Variants in ITGA4 observed in about 807,000 individuals in gnomAD.
ITGA4 encodes the protein integrin alpha-4.
Under a neutral mutation model 133.6 loss-of-function variants are expected in ITGA4, and 63 were observed. The ratio of observed to expected loss-of-function variants is 0.47; its 90% confidence interval spans 0.38 to 0.58. ITGA4 has a LOEUF of 0.58. Among genes scored for constraint, ITGA4 ranks in the 20% least tolerant of loss-of-function variants. The pLI, the probability that ITGA4 is intolerant of heterozygous loss-of-function variation, is 0.00. For missense variants in ITGA4, 1,076 were observed against 1,252.7 expected (o/e 0.86, Z 2.13); for synonymous variants, 483 against 438.0 (o/e 1.10, Z -1.28).
At chr2:181,458,620 G>C (rs1685192411) in intron 2 of ITGA4, 1 of 360,832 alleles carries the variant, frequency 2.8e-6, no homozygotes. Flanking sequence ...GCACATTTTA[G>C]ACTCTCTCAG....
chr2:181,538,178 T>G lies in ITGA4; in HGVS notation c.*2651T>G. 6.5e-7 allele frequency: 1 copy of G among 1,544,178 alleles called. No homozygotes were observed. The highest frequency in any genetic ancestry group is 8.9e-7 in the Non-Finnish European group (1 of 1,118,020). On this transcript the variant is annotated 3_prime_UTR_variant, in exon 28 of 28. Transcript: ENST00000397033. ...TTTGTACATTTCTTTTAGAAACAAT[T>G]ACATGTTACTTTGGAATCATTTCTT...
chr2:181,526,493 G>C lies in ITGA4; in HGVS notation c.2340-804G>C, dbSNP rs150508780. Among the ~76,000 whole-genome samples, 160 of 152,282 alleles carry C rather than the reference G, an allele frequency of 1.1e-3. 2 individuals are homozygous for C. The highest frequency in any genetic ancestry group is 3.7e-3 in the African/African-American group (154 of 41,554). On this transcript the variant is annotated intron_variant, in intron 21 of 27. Transcript: ENST00000397033. ...TGTCAAATCACAGGCCTTTAAAAGA[G>C]AGTGACAGCCTTGTATTGTAACAAA...
chr2:181,463,642 A>G (rs915354587), intron 2 of ITGA4, among the ~76,000 whole-genome samples: 1 of 151,806 alleles, frequency 6.6e-6, no homozygotes, highest in Non-Finnish European at 1.5e-5. Flanking sequence ...AGGGAAGAGC[A>G]GCAGGTTTTC....
chr2:181,482,960 G>T (rs1685839485), intron 9 of ITGA4, among the ~76,000 whole-genome samples: 2 of 152,038 alleles, frequency 1.3e-5, no homozygotes, highest in African/African-American at 2.4e-5. Context: ...TAATTTGAAA[G>T]AATAATTTTC....
chr2:181,498,843 T>G (rs1435302672), intron 15 of ITGA4, 66 bp downstream of exon 15: 1 of 1,493,862 alleles, frequency 6.7e-7, no homozygotes. Context: ...GAGCAACTTA[T>G]TGTATTGGTA....
chr2:181,474,098 G>C (rs947546116), intron 2 of ITGA4, among the ~76,000 whole-genome samples: 7 of 152,110 alleles, frequency 4.6e-5, no homozygotes, highest in African/African-American at 1.7e-4. Flanking sequence ...ACAGCAAAAA[G>C]AATATTAGGA....
rs1374274767 is a variant in ITGA4, at chr2:181,537,290, A to G, written c.*1763A>G. 2.2e-6 allele frequency: 1 copy of G among 453,716 alleles called. No individual in the cohort carries two copies. The highest frequency in any genetic ancestry group is 4.4e-6 in the Non-Finnish European group (1 of 226,536). The allele number at this position is 453,716 out of a possible 1,614,324, so 28.1% of individuals were successfully genotyped here. ...CTCAGAACTACTCAGAAACAACTAT[A>G]TATTTCAGGTTATCTGAGCACAGTG... On this transcript the variant is annotated 3_prime_UTR_variant, in exon 28 of 28. Coordinates refer to ENST00000397033, the MANE Select transcript of ITGA4 (RefSeq NM_000885.6).
At chr2:181,478,692 GAAAC>G (rs770073748) in intron 4 of ITGA4, 61 bp from the exon 5 acceptor site, 23 of 711,724 alleles carry the variant, frequency 3.2e-5, no homozygotes, top group African/African-American at 1.3e-4. Context: ...AAGGATTTAA[GAAAC>G]AAATTATGGA....
chr2:181,496,173 A>G (rs1686153901), intron 14 of ITGA4, among the ~76,000 whole-genome samples: 1 of 152,216 alleles, frequency 6.6e-6, no homozygotes, highest in Admixed American at 6.5e-5. Context: ...AGCAAAGGAC[A>G]TAGTATCACT....
At chr2:181,534,192 T>TA in intron 25 of ITGA4, 80 bp from the exon 26 acceptor site, 1 of 848,836 alleles carries the variant, frequency 1.2e-6, no homozygotes, top group South Asian at 1.6e-5. Context: ...TGAAAACCTC[T>TA]AGCTAGAAGG....
At position 181,457,419 on chromosome 2, in the gene ITGA4, C is replaced by A. The variant is rs201523356; in HGVS notation, c.-236C>A. 2.8e-4 allele frequency: 134 copies of A among 478,198 alleles called. 2 individuals are homozygous for A. In the South Asian group the frequency reaches 3.3e-3, roughly 12 times the overall value. 29.6% of individuals were successfully genotyped at this position (478,198 alleles called of 1,614,324 possible). On this transcript the variant is annotated 5_prime_UTR_variant, in exon 1 of 28. Coordinates refer to ENST00000397033, the MANE Select transcript of ITGA4 (RefSeq NM_000885.6). The stretch of plus-strand genomic sequence containing the variant: ...GCGAGCACCCGAAGCTCCCGGCTGG[C>A]GGCAGAAACCGGGAGTGGGGCCGGG...
rs199929278 is a variant in ITGA4 at position 181,537,168 on chromosome 2, G to A, written c.*1641G>A. The stretch of plus-strand genomic sequence containing the variant: ...ATAAAAAGGCTAGTCATTCTTTCAG[G>A]AGAACATCTAGGATCATAGATGAAA... On this transcript the variant is annotated 3_prime_UTR_variant, in exon 28 of 28. Transcript: ENST00000397033. The A allele has an allele frequency of 4.4e-5, 20 of 453,896 alleles. 1 individual carries two copies. Among genetic ancestry groups the A allele is most frequent in the South Asian group, 2.9e-4 (19 of 64,454 alleles). 28.1% of individuals were successfully genotyped at this position (453,896 alleles called of 1,614,324 possible).
rs1686612397 is a variant in ITGA4 at position 181,516,617 on chromosome 2, G to C, written c.1922+4842G>C. Among the ~76,000 whole-genome samples the C allele has an allele frequency of 6.6e-6, 1 of 152,072 alleles. No homozygotes were observed. Among genetic ancestry groups the C allele is most frequent in the African/African-American group, 2.4e-5 (1 of 41,436 alleles). ...GTTTATCCCTGATTCTGTTATGGTT[G>C]AAGGAGAATGGAGTCGTCATGATCA... is the stretch of plus-strand genomic sequence containing the variant. On this transcript the variant is annotated intron_variant, in intron 17 of 27. Coordinates refer to ENST00000397033, the MANE Select transcript of ITGA4 (RefSeq NM_000885.6). This position sits in a 1 kb window ranked among gnomAD's most constrained non-coding sequence, Gnocchi z 4.0.
chr2:181,459,400 TA>T (rs1685212033), intron 2 of ITGA4: 2 of 152,264 alleles, frequency 1.3e-5, no homozygotes, highest in South Asian at 4.1e-4. Context: ...TTCTTTGCTA[TA>T]AATGGACTTT....
At chr2:181,496,682 A>G (rs1369511029) in intron 14 of ITGA4, among the ~76,000 whole-genome samples, 1 of 152,188 alleles carries the variant, frequency 6.6e-6, no homozygotes, top group Non-Finnish European at 1.5e-5. Flanking sequence ...TTGCTAGCAG[A>G]TTAATGTTCC....
chr2:181,525,875 T>C (rs901392180), intron 21 of ITGA4, among the ~76,000 whole-genome samples: 1 of 152,188 alleles, frequency 6.6e-6, no homozygotes, highest in African/African-American at 2.4e-5. Flanking sequence ...AGGAGATGTG[T>C]GGAGAAAGAA....
chr2:181,488,707 C>T (rs188939575), intron 10 of ITGA4, among the ~76,000 whole-genome samples: 215 of 151,924 alleles, frequency 1.4e-3, no homozygotes, highest in African/African-American at 4.6e-3. Flanking sequence ...TACAGGCACC[C>T]GCCACCACCC....
At chr2:181,467,336 C>A (rs1685443599) in intron 2 of ITGA4, among the ~76,000 whole-genome samples, 1 of 152,060 alleles carries the variant, frequency 6.6e-6, no homozygotes, top group African/African-American at 2.4e-5. Context: ...GTCTTAGTAG[C>A]CAGAAAGCCA....
intron 10 of ITGA4, among the ~76,000 whole-genome samples, chr2:181,489,874 G>A (rs1036192509): frequency 2.6e-5 from 4 of 152,214 alleles, no homozygotes; most frequent in Non-Finnish European, 5.9e-5. Context: ...AAACTCTTCG[G>A]ACGCCGAGTT....
Sources: gnomAD v4.1 joint callset for allele counts (sites outside exome capture counted in the v4.1 genomes callset) on GRCh38, gnomAD v4.1.1 for gene constraint, Gnocchi (gnomAD v3.1) non-coding constraint, MANE v1.5 for transcripts, NCBI Gene and HGNC (gene_info 2026-07-23, HGNC 2026-07-21) for gene names.